The following COMMD10 variants were observed in gnomAD, a reference collection of about 807,000 sequenced individuals.
COMMD10 encodes COMM domain containing 10, also known as COMM domain-containing protein 10.
A neutral mutation model predicts 28.9 loss-of-function variants in COMMD10; 33 were observed. The observed-to-expected ratio is 1.14, with a 90% CI of 0.87 to 1.53. COMMD10 has a LOEUF of 1.53. COMMD10 is among the 40% of genes most tolerant of loss of function. The pLI, the probability that COMMD10 is intolerant of heterozygous loss-of-function variation, is 0.00. For missense variants in COMMD10, 310 were observed against 233.4 expected, an observed-to-expected ratio of 1.33 and a Z score of -2.14; for synonymous variants, 110 against 81.7, an observed-to-expected ratio of 1.35 and a Z score of -1.87.
intron 5 of COMMD10, among the ~76,000 whole-genome samples, chr5:116,200,555 C>G (rs115704978): frequency 6.6e-6 from 1 of 151,960 alleles, no homozygotes; most frequent in African/African-American, 2.4e-5. Flanking sequence ...TTTTATCACA[C>G]ATACGTTATA....
chr5:116,258,474 A>G (rs897255619), intron 5 of COMMD10, among the ~76,000 whole-genome samples: 6 of 151,586 alleles, frequency 4.0e-5, no homozygotes, highest in Admixed American at 3.3e-4. Flanking sequence ...ACTGGAGTTG[A>G]TCATTTAATA....
intron 5 of COMMD10, among the ~76,000 whole-genome samples, chr5:116,242,006 A>G (rs1023778937): frequency 2.0e-5 from 3 of 152,202 alleles, no homozygotes; most frequent in Admixed American, 1.3e-4. Flanking sequence ...TCTGTCTTAC[A>G]TTAAACAAAA....
intron 5 of COMMD10, among the ~76,000 whole-genome samples, chr5:116,272,277 AAGTC>A (rs1345316085): frequency 1.3e-5 from 2 of 151,830 alleles, no homozygotes; most frequent in Admixed American, 6.6e-5. Context: ...AGGAAATAAA[AAGTC>A]AGAGGAGGCA....
intron 4 of COMMD10, among the ~76,000 whole-genome samples, chr5:116,117,137 A>G (rs1050411094): frequency 6.6e-5 from 10 of 152,218 alleles, no homozygotes; most frequent in African/African-American, 2.4e-4. Flanking sequence ...TCATTCCATT[A>G]TATGAAAATA....
chr5:116,189,884 T>A (rs1406766966), intron 5 of COMMD10, among the ~76,000 whole-genome samples: 1 of 152,216 alleles, frequency 6.6e-6, no homozygotes, highest in African/African-American at 2.4e-5. Context: ...ATCTTTATTA[T>A]GAAAGGAGGT....
In COMMD10 at chr5:116,284,781, A is replaced by G. The variant is rs1751174308; in HGVS notation, c.511-6736A>G. Among the ~76,000 whole-genome samples the G allele has an allele frequency of 1.3e-5, 2 of 151,928 alleles. 1 individual carries two copies. The highest frequency in any genetic ancestry group is 4.9e-5 in the African/African-American group (2 of 41,194). On this transcript the variant is annotated intron_variant, in intron 5 of 6. Transcript: ENST00000274458. ...CCCTTAACAAAGATACTAATGAACT[A>G]TGAGTTGACTCATAGGCCAGAAGTA...
chr5:116,293,059 A>G lies in COMMD10; in HGVS notation c.*570A>G. The G allele has an allele frequency of 5.0e-6, 2 of 397,192 alleles. No homozygotes were observed. The highest frequency in any genetic ancestry group is 8.9e-6 in the Non-Finnish European group (2 of 225,136). The allele number at this position is 397,192 out of a possible 1,614,324, so 24.6% of individuals were successfully genotyped here. ...CAGTCTGAGCTTCTCTGTCAACTTC[A>G]GTTTCTCTCTCAGTTTAATGATTTA... On this transcript the variant is annotated 3_prime_UTR_variant, in exon 7 of 7. Coordinates refer to ENST00000274458, the MANE Select transcript of COMMD10 (RefSeq NM_016144.4).
chr5:116,210,076 G>A (rs1471940967), intron 5 of COMMD10, among the ~76,000 whole-genome samples: 2 of 151,944 alleles, frequency 1.3e-5, no homozygotes, highest in African/African-American at 4.8e-5. Context: ...AGAAAAAATC[G>A]GGGCCAAACT....
intron 5 of COMMD10, among the ~76,000 whole-genome samples, chr5:116,254,399 A>G (rs1750217021): frequency 6.6e-6 from 1 of 151,454 alleles, no homozygotes; most frequent in African/African-American, 2.4e-5. Flanking sequence ...TAGGGTGTTA[A>G]TTTTGGATCT....
chr5:116,161,987 C>T (rs1357984134), intron 5 of COMMD10, among the ~76,000 whole-genome samples: 1 of 152,156 alleles, frequency 6.6e-6, no homozygotes, highest in East Asian at 1.9e-4. Context: ...TTTTCTCCCT[C>T]ATGTTAATGA....
rs117518585 is a variant in COMMD10, at chr5:116,179,378, G to A, written c.510+45200G>A. On this transcript the variant is annotated intron_variant, in intron 5 of 6. Transcript: ENST00000274458. ...AAAATCTGCCCAGAGTTACACTACTGGATAATGTCAGAACCAGACTAAGAA... is the reference window on the plus strand; with the variant it reads ...AAAATCTGCCCAGAGTTACACTACTAGATAATGTCAGAACCAGACTAAGAA... 3.1e-4 allele frequency among the ~76,000 whole-genome samples: 47 copies of A among 152,238 alleles called. 2 individuals carry two copies. The East Asian group carries it at 9.1e-3, about 29-fold the overall frequency.
intron 5 of COMMD10, among the ~76,000 whole-genome samples, chr5:116,254,598 T>A (rs1750226705): frequency 6.6e-6 from 1 of 151,620 alleles, no homozygotes; most frequent in Non-Finnish European, 1.5e-5. Context: ...TTCCATGTAG[T>A]TGAGTGGTTT....
At chr5:116,177,734 A>G (rs984188169) in intron 5 of COMMD10, among the ~76,000 whole-genome samples, 13 of 152,026 alleles carry the variant, frequency 8.6e-5, no homozygotes, top group Admixed American at 2.0e-4. Context: ...AAATCTATCA[A>G]TCCTTTAAAA....
At chr5:116,176,382 G>A (rs1753512218) in intron 5 of COMMD10, among the ~76,000 whole-genome samples, 1 of 152,140 alleles carries the variant, frequency 6.6e-6, no homozygotes, top group Non-Finnish European at 1.5e-5. Flanking sequence ...CCAAAGTGTT[G>A]GGATTACAGG....
chr5:116,277,316 G>A (rs1750944963), intron 5 of COMMD10, among the ~76,000 whole-genome samples: 1 of 151,846 alleles, frequency 6.6e-6, no homozygotes, highest in African/African-American at 2.4e-5. Context: ...TTGTTCACTT[G>A]ATTCCAAGAA....
In COMMD10 at chr5:116,106,727, A is replaced by G. The variant is rs200658680; in HGVS notation, c.399+14027A>G. Among the ~76,000 whole-genome samples, 6 of 152,252 alleles carry G rather than the reference A, an allele frequency of 3.9e-5. No individual in the cohort carries two copies. In the East Asian group the frequency reaches 1.2e-3, roughly 29 times the overall value. The stretch of plus-strand genomic sequence containing the variant: ...CTCTTGTTGCATTGATCCCCTTGCC[A>G]TTATGTAATGCCCTTGTCTCTTTTG... On this transcript the variant is annotated intron_variant, in intron 4 of 6. Coordinates refer to ENST00000274458, the MANE Select transcript of COMMD10 (RefSeq NM_016144.4).
intron 5 of COMMD10, among the ~76,000 whole-genome samples, chr5:116,173,292 G>A (rs7703661): frequency 0.31 from 47,170 of 151,940 alleles, 10,235 homozygotes; most frequent in African/African-American, 0.62. Flanking sequence ...TGATATATCA[G>A]CGTTATTTCT....
At chr5:116,198,068 C>G (rs1027335748) in intron 5 of COMMD10, among the ~76,000 whole-genome samples, 7 of 152,276 alleles carry the variant, frequency 4.6e-5, no homozygotes, top group African/African-American at 7.2e-5. Context: ...ACACTTCACA[C>G]ATAATTTTTG....
chr5:116,206,920 C>G (rs1181274475), intron 5 of COMMD10, among the ~76,000 whole-genome samples: 1 of 152,030 alleles, frequency 6.6e-6, no homozygotes, highest in Admixed American at 6.6e-5. Context: ...TCTTCTCTCT[C>G]CATCTCCTCA....
Sources: gnomAD v4.1 joint callset for allele counts (sites outside exome capture counted in the v4.1 genomes callset) on GRCh38, gnomAD v4.1.1 for gene constraint, MANE v1.5 for transcripts, NCBI Gene and HGNC (gene_info 2026-07-23, HGNC 2026-07-21) for gene names.